AKAP6: variants seen among roughly 807,000 people sequenced by gnomAD.
AKAP6 encodes A-kinase anchoring protein 6.
A neutral mutation model predicts 188.5 loss-of-function variants in AKAP6; 58 were observed. The observed-to-expected ratio is 0.31, with a 90% CI of 0.25 to 0.38. AKAP6 has a LOEUF of 0.38. AKAP6 is among the 10% of genes least tolerant of loss of function. The pLI is 1.00. For missense variants in AKAP6, 2,710 were observed against 2,740.0 expected (o/e 0.99, Z 0.24); for synonymous variants, 989 against 998.6 (o/e 0.99, Z 0.18).
chr14:32,559,052 A>G (rs2139200435), intron 4 of AKAP6, among the ~76,000 whole-genome samples: 1 of 152,358 alleles, frequency 6.6e-6, no homozygotes, highest in South Asian at 2.1e-4. Flanking sequence ...GGGCCAAGAT[A>G]TGAGGGACTT....
chr14:32,412,249 A>C (rs982388318), intron 1 of AKAP6, among the ~76,000 whole-genome samples: 9 of 152,190 alleles, frequency 5.9e-5, no homozygotes, highest in Admixed American at 5.9e-4. Flanking sequence ...TCATTCATGC[A>C]TTCAGTGTCT....
chr14:32,735,594 G>A lies in AKAP6; in HGVS notation c.3148-64G>A, dbSNP rs2031375827. On this transcript the variant is annotated intron_variant, in intron 10 of 13. Transcript: ENST00000280979. ...AGTTAATCTATGTTTTTGTTTTTTTGTTGTTCGTGGGGTTTTTTTTTGTTT... is the reference window on the plus strand; with the variant it reads ...AGTTAATCTATGTTTTTGTTTTTTTATTGTTCGTGGGGTTTTTTTTTGTTT... The A allele has an allele frequency of 1.6e-5, 21 of 1,292,060 alleles. No homozygotes were observed. In the South Asian group the frequency reaches 3.0e-4, roughly 18 times the overall value. 80.0% of individuals were successfully genotyped at this position (1,292,060 alleles called of 1,614,324 possible).
At chr14:32,482,614 T>A (rs1251974414) in intron 2 of AKAP6, among the ~76,000 whole-genome samples, 2 of 152,238 alleles carry the variant, frequency 1.3e-5, no homozygotes, top group Non-Finnish European at 2.9e-5. Flanking sequence ...TGTTCTCTGC[T>A]GTATTCCAAG....
chr14:32,489,536 T>C (rs1322877355), intron 2 of AKAP6, among the ~76,000 whole-genome samples: 1 of 152,184 alleles, frequency 6.6e-6, no homozygotes, highest in Non-Finnish European at 1.5e-5. Flanking sequence ...AATTGCTACA[T>C]ATGTGTATAT....
At chr14:32,635,029 C>T (rs1285763632) in intron 7 of AKAP6, among the ~76,000 whole-genome samples, 1 of 151,486 alleles carries the variant, frequency 6.6e-6, no homozygotes, top group African/African-American at 2.4e-5. Context: ...CAAGAGTGAC[C>T]CTCAGTATTG....
In AKAP6 at chr14:32,824,716, C is replaced by T. The variant is rs1364544030; in HGVS notation, c.6903C>T (p.Thr2301=). The change falls in exon 13 of 14, where the codon ACC becomes ACT. Residue 2301 remains threonine, a synonymous_variant. Transcript: ENST00000280979. ...TGCATCCCAGCCCCAAAACTTTAAC[C>T]TGTGAAGAAAATCTTCTAAACCTTC... is the stretch of plus-strand genomic sequence containing the variant. ...AALHPSPKTL[T]CEENLLNLHE... 1 of 1,613,618 alleles carries T rather than the reference C, an allele frequency of 6.2e-7. No individual in the cohort carries two copies. The highest frequency in any genetic ancestry group is 8.5e-7 in the Non-Finnish European group (1 of 1,179,846).
In AKAP6 at chr14:32,453,462, G is replaced by A. The variant is rs537643350; in HGVS notation, c.324+19645G>A. On this transcript the variant is annotated intron_variant, in intron 2 of 13. Transcript: ENST00000280979. ...TTTGATAACTATTAGTTATCTAGAA[G>A]TGTATTCTTAAAATCAATGCCTGTA... Among the ~76,000 whole-genome samples, 12 of 151,876 alleles carry A rather than the reference G, an allele frequency of 7.9e-5. No homozygotes were observed. In the South Asian group the frequency reaches 1.2e-3, roughly 16 times the overall value.
At chr14:32,774,130 T>G (rs2032983416) in intron 12 of AKAP6, 3 of 530,894 alleles carry the variant, frequency 5.7e-6, no homozygotes, top group Non-Finnish European at 6.8e-6. Context: ...TTTATTAAAA[T>G]TCCTTTAGTG....
At chr14:32,739,050 C>T (rs1327840693) in intron 11 of AKAP6, among the ~76,000 whole-genome samples, 1 of 151,970 alleles carries the variant, frequency 6.6e-6, no homozygotes, top group Admixed American at 6.6e-5. Flanking sequence ...AGAAAGGAGA[C>T]CATGCTACAA....
At chr14:32,767,829 A>T (rs1247387113) in intron 11 of AKAP6, among the ~76,000 whole-genome samples, 2 of 152,134 alleles carry the variant, frequency 1.3e-5, no homozygotes, top group Non-Finnish European at 2.9e-5. Flanking sequence ...CATATATATC[A>T]ATCACACCTT....
Position 32,463,895 on chromosome 14 carries a change from A to T in AKAP6, c.324+30078A>T, listed in dbSNP as rs1011457391. On this transcript the variant is annotated intron_variant, in intron 2 of 13. Transcript: ENST00000280979. ...GAGAAGAATCAAATAGACACAATAA[A>T]AAATGATAAAGGGGATATAACCACT... is the stretch of plus-strand genomic sequence containing the variant. Among the ~76,000 whole-genome samples, 5 of 152,176 alleles carry T rather than the reference A, an allele frequency of 3.3e-5. 1 individual carries two copies. The highest frequency in any genetic ancestry group is 1.3e-4 in the Admixed American group (2 of 15,282).
intron 9 of AKAP6, among the ~76,000 whole-genome samples, chr14:32,722,128 C>T (rs1363978632): frequency 6.6e-6 from 1 of 152,162 alleles, no homozygotes; most frequent in Non-Finnish European, 1.5e-5. Context: ...CTTCTTTCAC[C>T]TCTAACTTTT....
intron 7 of AKAP6, among the ~76,000 whole-genome samples, chr14:32,660,338 C>T (rs998998795): frequency 2.0e-5 from 3 of 152,064 alleles, no homozygotes; most frequent in Non-Finnish European, 4.4e-5. Flanking sequence ...CATTGTGCCA[C>T]CATTAAGGTA....
intron 1 of AKAP6, among the ~76,000 whole-genome samples, chr14:32,404,385 T>C (rs1336012561): frequency 6.6e-6 from 1 of 151,956 alleles, no homozygotes; most frequent in East Asian, 1.9e-4. Flanking sequence ...GGAGTGCTTA[T>C]GCTAAGTGAG....
At chr14:32,482,657 T>A (rs1879414096) in intron 2 of AKAP6, among the ~76,000 whole-genome samples, 1 of 152,218 alleles carries the variant, frequency 6.6e-6, no homozygotes, top group Non-Finnish European at 1.5e-5. Context: ...AGAAAATATG[T>A]TCAAGTAATA....
chr14:32,692,518 A>G (rs1459439695), intron 8 of AKAP6, among the ~76,000 whole-genome samples: 2 of 152,194 alleles, frequency 1.3e-5, no homozygotes, highest in Middle Eastern at 3.2e-3. Context: ...ATTTTAATAT[A>G]GTAAAAACAA....
intron 1 of AKAP6, among the ~76,000 whole-genome samples, chr14:32,361,051 AACAT>A (rs34928013): frequency 0.12 from 14,513 of 122,630 alleles, 1,863 homozygotes; most frequent in African/African-American, 0.27. Context: ...ACAAGGCCTG[AACAT>A]ACATATATAT....
At chr14:32,634,612 C>T (rs1437230052) in intron 7 of AKAP6, among the ~76,000 whole-genome samples, 3 of 151,948 alleles carry the variant, frequency 2.0e-5, no homozygotes, top group Non-Finnish European at 4.4e-5. Context: ...ATAATATTTA[C>T]CCTGTTGAGG....
chr14:32,585,351 A>C (rs1885186321), intron 5 of AKAP6, among the ~76,000 whole-genome samples: 3 of 152,218 alleles, frequency 2.0e-5, no homozygotes. Context: ...AAACTTAGGA[A>C]GTATAGTTGC....
Sources: gnomAD v4.1 joint callset for allele counts (sites outside exome capture counted in the v4.1 genomes callset) on GRCh38, gnomAD v4.1.1 for gene constraint, MANE v1.5 for transcripts, NCBI Gene and HGNC (gene_info 2026-07-23, HGNC 2026-07-21) for gene names.